The following TBCD variants were observed in gnomAD, a reference collection of about 807,000 sequenced individuals.
TBCD encodes the protein tubulin-specific chaperone D.
In TBCD, 105 loss-of-function variants were observed where a neutral mutation model predicts 169.3. The ratio of observed to expected loss-of-function variants is 0.62; its 90% CI spans 0.53 to 0.73. The LOEUF (loss-of-function observed/expected upper bound fraction) is 0.73, where lower values mean the gene tolerates loss of function less well. TBCD is among the 30% of genes least tolerant of loss of function. The pLI, the probability that TBCD is intolerant of heterozygous loss-of-function variation, is 0.00. For synonymous variants in TBCD, 700 were observed against 643.9 expected (o/e 1.09, Z -1.32); for missense variants, 1,444 against 1,600.1 (o/e 0.90, Z 1.66).
rs1182159947 is a variant in TBCD, at chr17:82,862,414, C to T, written c.1319-7810C>T. On this transcript the variant is annotated intron_variant, in intron 13 of 38. Transcript: ENST00000355528. ...AAGCCTCTCGGTGGAGGAACCTTCA[C>T]CCAGAGACCAGCCTGGGGGTCCTTG... Among the ~76,000 whole-genome samples the T allele has an allele frequency of 3.3e-5, 5 of 151,788 alleles. No homozygotes were observed. The Middle Eastern group carries it at 0.01, about 310-fold the overall frequency.
At chr17:82,830,722 G>A (rs1304694131) in intron 13 of TBCD, 8 of 1,614,116 alleles carry the variant, frequency 5.0e-6, no homozygotes, top group East Asian at 2.2e-5. Context: ...GCCTTGGTAC[G>A]TGGGTTCGTG....
At chr17:82,753,531 A>C (rs1469593867) in intron 1 of TBCD, among the ~76,000 whole-genome samples, 6 of 137,476 alleles carry the variant, frequency 4.4e-5, no homozygotes, top group Admixed American at 1.7e-4. Context: ...ATCTTGGCTC[A>C]CTGCAACCTC....
At position 82,874,054 on chromosome 17, in the gene TBCD, G is replaced by A. The variant is rs1232254643; in HGVS notation, c.1475+3674G>A. Among the ~76,000 whole-genome samples, 2 of 152,230 alleles carry A rather than the reference G, an allele frequency of 1.3e-5. No homozygotes were observed. Among genetic ancestry groups the A allele is most frequent in the South Asian group, 2.1e-4 (1 of 4,830 alleles). On this transcript the variant is annotated intron_variant, in intron 14 of 38. Transcript: ENST00000355528. This position sits in a 1 kb window ranked among gnomAD's most constrained non-coding sequence, Gnocchi z 5.0. ...TTGGAGCAGCTGCCACGTGTGGACC[G>A]GCACGGGCATGGTCGTGGTCTGCCC...
chr17:82,939,968 A>C (rs984915053), intron 37 of TBCD, among the ~76,000 whole-genome samples: 13 of 152,194 alleles, frequency 8.5e-5, no homozygotes, highest in Non-Finnish European at 1.9e-4. Context: ...GCCACTCTCC[A>C]CGTTTACTTT....
intron 13 of TBCD, among the ~76,000 whole-genome samples, chr17:82,825,516 C>A (rs567859630): frequency 9.2e-5 from 14 of 152,140 alleles, no homozygotes; most frequent in African/African-American, 3.4e-4. Flanking sequence ...TGCGTCTGAC[C>A]GTGTGCCTTT....
intron 14 of TBCD, among the ~76,000 whole-genome samples, chr17:82,873,100 C>T (rs1019286633): frequency 1.1e-4 from 17 of 152,372 alleles, no homozygotes; most frequent in African/African-American, 3.4e-4. Context: ...GCTGTGAGGC[C>T]GTGGAAAGAC....
chr17:82,814,721 T>C, intron 12 of TBCD, 119 bp from the exon 13 acceptor site: 2 of 932,812 alleles, frequency 2.1e-6, no homozygotes, highest in South Asian at 2.9e-5. Context: ...TAGTGAGCCT[T>C]ACGTGAGCCT....
chr17:82,926,293 T>C, intron 27 of TBCD, 107 bp from the exon 28 acceptor site: 1 of 1,021,276 alleles, frequency 9.8e-7, no homozygotes, highest in Non-Finnish European at 1.5e-6. Flanking sequence ...AGGAGCTGCC[T>C]ATCTCATGGT....
At chr17:82,814,326 T>G (rs2051687572) in intron 12 of TBCD, among the ~76,000 whole-genome samples, 2 of 152,204 alleles carry the variant, frequency 1.3e-5, no homozygotes, top group Non-Finnish European at 2.9e-5. Flanking sequence ...GCGTGGGTGT[T>G]GCCCGTACTT....
chr17:82,805,092 C>T (rs1314030652), intron 9 of TBCD, among the ~76,000 whole-genome samples: 1 of 152,264 alleles, frequency 6.6e-6, no homozygotes, highest in African/African-American at 2.4e-5. Flanking sequence ...GCCCTGCACT[C>T]ACCCTTGGCA....
At chr17:82,926,246 A>G (rs1043254998) in intron 27 of TBCD, among the ~76,000 whole-genome samples, 154 bp from the exon 28 acceptor site, 2 of 149,934 alleles carry the variant, frequency 1.3e-5, no homozygotes, top group African/African-American at 2.4e-5. Context: ...CCTGGGTTGT[A>G]CCAGGGGCCA....
chr17:82,939,531 T>C, intron 37 of TBCD, 55 bp downstream of exon 37: 3 of 1,395,830 alleles, frequency 2.1e-6, no homozygotes, highest in Non-Finnish European at 3.0e-6. Flanking sequence ...CCCCTCTTCC[T>C]GTCCCCACCG....
chr17:82,880,016 A>T lies in TBCD; in HGVS notation c.1476-4129A>T, dbSNP rs893594286. Among the ~76,000 whole-genome samples, 11 of 151,918 alleles carry T rather than the reference A, an allele frequency of 7.2e-5. No homozygotes were observed. Among genetic ancestry groups the T allele is most frequent in the Non-Finnish European group, 4.4e-5 (3 of 67,982 alleles). On this transcript the variant is annotated intron_variant, in intron 14 of 38. Coordinates refer to ENST00000355528, the MANE Select transcript of TBCD (RefSeq NM_005993.5). This position sits in a 1 kb window ranked among gnomAD's most constrained non-coding sequence, Gnocchi z 5.0. ...AGGGAAGACTCTGCTTCCCTGCTTG[A>T]GTTGCCCGCATTCCTTTGCTCATGG...
In TBCD at chr17:82,937,272, C is replaced by T; in HGVS notation, c.3193C>T (p.His1065Tyr). 1 of 1,613,934 alleles carries T rather than the reference C, an allele frequency of 6.2e-7. No individual in the cohort carries two copies. Among genetic ancestry groups the T allele is most frequent in the Non-Finnish European group, 8.5e-7 (1 of 1,179,790 alleles). The change falls in exon 35 of 39, where the codon CAC (histidine) becomes TAC (tyrosine). Residue 1065 changes from histidine to tyrosine, a missense_variant and splice_region_variant. Coordinates refer to ENST00000355528, the MANE Select transcript of TBCD (RefSeq NM_005993.5). ...CTAAAGTGTGTGTTGTTCTTCCAGC[C>T]ACCCCTTTGCTGTGAAGTTGCTTGC... ...CFDIFTTEED[H>Y]PFAVKLLALC...
intron 34 of TBCD, among the ~76,000 whole-genome samples, chr17:82,935,338 G>A (rs1290701434): frequency 1.3e-5 from 2 of 151,674 alleles, no homozygotes; most frequent in African/African-American, 4.8e-5. Flanking sequence ...GTTTTTGTAC[G>A]CCTCTCTTAG....
chr17:82,879,412 C>T (rs953198121), intron 14 of TBCD, among the ~76,000 whole-genome samples: 4 of 152,280 alleles, frequency 2.6e-5, no homozygotes, highest in Admixed American at 2.0e-4. Context: ...ATGCATCTGA[C>T]GTGATTTTGG....
chr17:82,872,424 G>A (rs1345145636), intron 14 of TBCD, among the ~76,000 whole-genome samples: 1 of 152,244 alleles, frequency 6.6e-6, no homozygotes, highest in Non-Finnish European at 1.5e-5. Flanking sequence ...TCAGGGAGCA[G>A]TGCCTTGCAG....
chr17:82,912,437 G>C (rs1263606189), intron 23 of TBCD, among the ~76,000 whole-genome samples: 2 of 152,242 alleles, frequency 1.3e-5, no homozygotes, highest in Admixed American at 1.3e-4. Context: ...TAAAGGAAAA[G>C]CCTGATTTCA....
At chr17:82,940,221 G>GTGCACACACA (rs1555672969) in intron 37 of TBCD, among the ~76,000 whole-genome samples, 1 of 131,700 alleles carries the variant, frequency 7.6e-6, no homozygotes, top group African/African-American at 2.5e-5. Flanking sequence ...TTGCACGCGC[G>GTGCACACACA]CACACACACA....
Sources: allele counts gnomAD v4.1 joint callset (sites outside exome capture counted in the v4.1 genomes callset), GRCh38; gene constraint gnomAD v4.1.1; non-coding constraint Gnocchi (gnomAD v3.1); transcripts MANE v1.5; gene names NCBI Gene and HGNC (gene_info 2026-07-23, HGNC 2026-07-21).